The following PRKG1 variants were observed in gnomAD, a reference collection of about 807,000 sequenced individuals.
The protein encoded by PRKG1 is protein kinase cGMP-dependent 1.
PRKG1 carries 35 observed loss-of-function variants against 88.1 expected under a neutral mutation model. That is an observed-to-expected ratio of 0.40 (90% CI 0.30 to 0.53). The LOEUF (loss-of-function observed/expected upper bound fraction) is 0.53. Among genes scored for constraint, PRKG1 ranks in the 20% least tolerant of loss-of-function variants. PRKG1 has a pLI of 0.59. For missense variants in PRKG1, 540 were observed against 839.8 expected, an observed-to-expected ratio of 0.64 and a Z score of 4.41; for synonymous variants, 303 against 292.5, an observed-to-expected ratio of 1.04 and a Z score of -0.37.
intron 14 of PRKG1, among the ~76,000 whole-genome samples, chr10:52,287,541 T>C (rs1842145430): frequency 6.6e-6 from 1 of 151,914 alleles, no homozygotes; most frequent in Non-Finnish European, 1.5e-5. Context: ...ACACAAAACC[T>C]GTATTAAAGA....
At chr10:52,190,865 A>T (rs1287218957) in intron 9 of PRKG1, among the ~76,000 whole-genome samples, 2 of 152,146 alleles carry the variant, frequency 1.3e-5, no homozygotes, top group Non-Finnish European at 2.9e-5. Context: ...AAATTTACTG[A>T]TATATTTTAA....
intron 10 of PRKG1, among the ~76,000 whole-genome samples, chr10:52,263,624 C>T (rs1265558369): frequency 8.0e-5 from 12 of 150,834 alleles, no homozygotes; most frequent in Non-Finnish European, 1.2e-4. Flanking sequence ...TCACCCAGGC[C>T]GGAGTGCAGT....
intron 3 of PRKG1, among the ~76,000 whole-genome samples, chr10:51,552,762 T>C (rs1304805199): frequency 1.3e-5 from 2 of 151,658 alleles, no homozygotes; most frequent in African/African-American, 4.8e-5. Context: ...CTTTTCTGTG[T>C]CTTGAAAAAC....
intron 2 of PRKG1, among the ~76,000 whole-genome samples, chr10:51,375,830 C>T (rs1322757064): frequency 6.6e-6 from 1 of 152,022 alleles, no homozygotes; most frequent in Admixed American, 6.6e-5. Context: ...AAGGAGAAAG[C>T]TTTGTATACA....
intron 2 of PRKG1, among the ~76,000 whole-genome samples, chr10:51,246,161 A>T (rs1261808274): frequency 2.6e-5 from 4 of 152,128 alleles, no homozygotes; most frequent in African/African-American, 9.7e-5. Flanking sequence ...AGATGGACTG[A>T]CTTTCTCTGA....
intron 2 of PRKG1, among the ~76,000 whole-genome samples, chr10:51,200,728 G>C (rs1379126378): frequency 6.6e-6 from 1 of 152,150 alleles, no homozygotes; most frequent in Non-Finnish European, 1.5e-5. Flanking sequence ...TTTTATTAGA[G>C]CTTTTAAAAT....
chr10:51,900,055 C>G lies in PRKG1; in HGVS notation c.699-7452C>G, dbSNP rs569357018. ...CTGAAAGCCAAGTAGATGCTGGTGC[C>G]ATGCTTTTACAGCCTGCAGAATCAT... On this transcript the variant is annotated intron_variant, in intron 4 of 17. Coordinates refer to ENST00000373980, the MANE Select transcript of PRKG1 (RefSeq NM_006258.4). 5.3e-5 allele frequency among the ~76,000 whole-genome samples: 8 copies of G among 152,206 alleles called. No individual in the cohort carries two copies. The South Asian group carries it at 1.5e-3, about 28-fold the overall frequency.
At chr10:52,070,197 G>T (rs924842650) in intron 7 of PRKG1, among the ~76,000 whole-genome samples, 1 of 151,998 alleles carries the variant, frequency 6.6e-6, no homozygotes, top group Non-Finnish European at 1.5e-5. Flanking sequence ...GCCCACTATT[G>T]CTCCTGTAAC....
chr10:52,272,549 T>A (rs1417936424), intron 12 of PRKG1, 68 bp downstream of exon 12: 21 of 1,052,576 alleles, frequency 2.0e-5, no homozygotes, highest in Non-Finnish European at 2.9e-5. Flanking sequence ...ATAAGAAGAG[T>A]TAATATGATA....
At chr10:51,782,009 A>G (rs1390422817) in intron 3 of PRKG1, among the ~76,000 whole-genome samples, 1 of 152,022 alleles carries the variant, frequency 6.6e-6, no homozygotes, top group Non-Finnish European at 1.5e-5. Flanking sequence ...CTGAAGGGGC[A>G]AGGTTGTTCT....
chr10:51,117,500 C>T (rs191497774), intron 1 of PRKG1, among the ~76,000 whole-genome samples: 12 of 152,312 alleles, frequency 7.9e-5, no homozygotes, highest in South Asian at 2.1e-4. Flanking sequence ...CATGTTGCTA[C>T]GCACTTCATG....
chr10:51,126,043 A>G (rs1401328193), intron 1 of PRKG1, among the ~76,000 whole-genome samples: 3 of 123,598 alleles, frequency 2.4e-5, no homozygotes, highest in African/African-American at 9.8e-5. Context: ...TATCTAATAT[A>G]CTATATATAA....
intron 7 of PRKG1, among the ~76,000 whole-genome samples, chr10:52,075,184 T>A (rs921936312): frequency 1.3e-4 from 20 of 152,040 alleles, no homozygotes; most frequent in Admixed American, 8.5e-4. Flanking sequence ...TATGATAGCA[T>A]CAAAAACTAG....
rs375678645 is a variant in PRKG1, at chr10:52,166,839, G to GTATATA, written c.1076+4880_1076+4885dup. 4.4e-4 allele frequency among the ~76,000 whole-genome samples: 40 copies of GTATATA among 90,494 alleles called. 2 individuals carry two copies. Among genetic ancestry groups the GTATATA allele is most frequent in the African/African-American group, 9.9e-4 (21 of 21,170 alleles). The allele number at this position is 90,494 out of a possible 152,430, so 59.4% of individuals were successfully genotyped here. On this transcript the variant is annotated intron_variant, in intron 9 of 17. Coordinates refer to ENST00000373980, the MANE Select transcript of PRKG1 (RefSeq NM_006258.4). ...TATATGTATATATATGTATATATATGTATATATATGTCTATATATATATCT... is the reference window on the plus strand; with the variant it reads ...TATATGTATATATATGTATATATATGTATATATATATATATGTCTATATATATATCT...
intron 5 of PRKG1, among the ~76,000 whole-genome samples, chr10:51,918,939 GA>G (rs1490439743): frequency 6.6e-6 from 1 of 152,072 alleles, no homozygotes; most frequent in African/African-American, 2.4e-5. Flanking sequence ...ATAAATCAAT[GA>G]AGAATAGAAG....
intron 1 of PRKG1, among the ~76,000 whole-genome samples, chr10:51,057,900 G>A (rs1356848164): frequency 6.6e-6 from 1 of 152,032 alleles, no homozygotes; most frequent in East Asian, 1.9e-4. Flanking sequence ...TCTAGATTAT[G>A]GGATAGCCAT....
chr10:51,303,812 T>TATATAC (rs1554792573), intron 2 of PRKG1, among the ~76,000 whole-genome samples: 3 of 150,130 alleles, frequency 2.0e-5, no homozygotes, highest in African/African-American at 7.3e-5. Flanking sequence ...TATATATATA[T>TATATAC]ACACACACAC....
chr10:51,775,194 T>G (rs1010174924), intron 3 of PRKG1, among the ~76,000 whole-genome samples: 3 of 152,146 alleles, frequency 2.0e-5, no homozygotes, highest in Non-Finnish European at 2.9e-5. Flanking sequence ...ACAATACAAT[T>G]TCAACTTCAT....
intron 2 of PRKG1, among the ~76,000 whole-genome samples, chr10:51,240,472 TA>T (rs1413811245): frequency 6.6e-6 from 1 of 152,216 alleles, no homozygotes; most frequent in Non-Finnish European, 1.5e-5. Context: ...TTATGTATTT[TA>T]AATATGTCTT....
Sources: allele counts gnomAD v4.1 joint callset (sites outside exome capture counted in the v4.1 genomes callset), GRCh38; gene constraint gnomAD v4.1.1; transcripts MANE v1.5; gene names NCBI Gene and HGNC (gene_info 2026-07-23, HGNC 2026-07-21).